Variants in ZC3H12C observed in about 807,000 individuals in gnomAD.
ZC3H12C encodes zinc finger CCCH-type containing 12C.
Under a neutral mutation model 76.3 loss-of-function variants are expected in ZC3H12C, and 20 were observed. The observed-to-expected ratio is 0.26, with a 90% CI of 0.18 to 0.38. ZC3H12C has a LOEUF of 0.38. Among genes scored for constraint, ZC3H12C ranks in the 10% least tolerant of loss-of-function variants. The pLI is 1.00. For missense variants in ZC3H12C, 874 were observed against 1,086.5 expected (o/e 0.80, Z 2.75); for synonymous variants, 352 against 399.6 (o/e 0.88, Z 1.42).
intron 1 of ZC3H12C, among the ~76,000 whole-genome samples, chr11:110,104,105 G>A (rs1272173584): frequency 1.3e-5 from 2 of 151,508 alleles, no homozygotes; most frequent in Non-Finnish European, 2.9e-5. Context: ...GCAATCTTGG[G>A]TCACTGCAAC....
chr11:110,160,250 G>A (rs1250230769), intron 4 of ZC3H12C, among the ~76,000 whole-genome samples: 6 of 152,142 alleles, frequency 3.9e-5, no homozygotes, highest in Non-Finnish European at 7.4e-5. Flanking sequence ...GAATGTGAAC[G>A]GCTAGGACAT....
In ZC3H12C at chr11:110,170,203, A is replaced by G. The variant is rs1862652020; in HGVS notation, c.*4466A>G. 6.6e-6 allele frequency: 1 copy of G among 152,204 alleles called. No individual in the cohort carries two copies. Among genetic ancestry groups the G allele is most frequent in the East Asian group, 1.9e-4 (1 of 5,204 alleles). The allele number at this position is 152,204 out of a possible 1,614,324, so 9.4% of individuals were successfully genotyped here. On this transcript the variant is annotated 3_prime_UTR_variant, in exon 6 of 6. Coordinates refer to ENST00000278590, the MANE Select transcript of ZC3H12C (RefSeq NM_033390.2). ...AGATATTTCTTGTGTTTAACCACAA[A>G]AAAAAGCACTCTGTTAAAATGTTTT...
At chr11:110,106,271 A>AT (rs1861324284) in intron 1 of ZC3H12C, among the ~76,000 whole-genome samples, 1 of 13,922 alleles carries the variant, frequency 7.2e-5, no homozygotes, top group South Asian at 1.1e-3. Context: ...CCGTCTCAAA[A>AT]AAAATAAATA....
intron 1 of ZC3H12C, among the ~76,000 whole-genome samples, chr11:110,133,417 C>T (rs1361985701): frequency 6.6e-6 from 1 of 152,076 alleles, no homozygotes; most frequent in East Asian, 1.9e-4. Flanking sequence ...CTTCTCTGAG[C>T]TAACCAATGA....
At chr11:110,124,961 A>G (rs1313900803) in intron 1 of ZC3H12C, among the ~76,000 whole-genome samples, 2 of 152,146 alleles carry the variant, frequency 1.3e-5, no homozygotes, top group Admixed American at 6.5e-5. Flanking sequence ...GCTCATGGCC[A>G]TGGGAATGAG....
intron 1 of ZC3H12C, among the ~76,000 whole-genome samples, chr11:110,094,983 CT>C (rs766732119): frequency 6.6e-6 from 1 of 152,148 alleles, no homozygotes; most frequent in Non-Finnish European, 1.5e-5. Flanking sequence ...GTAAAATGAA[CT>C]TTTAAATAAA....
At chr11:110,109,460 A>G (rs988815260) in intron 1 of ZC3H12C, among the ~76,000 whole-genome samples, 9 of 152,194 alleles carry the variant, frequency 5.9e-5, no homozygotes, top group South Asian at 2.1e-4. Flanking sequence ...GTAATGTTAT[A>G]TATTTGTGGA....
intron 1 of ZC3H12C, among the ~76,000 whole-genome samples, chr11:110,122,667 TA>T (rs1388360718): frequency 6.6e-6 from 1 of 152,206 alleles, no homozygotes; most frequent in Non-Finnish European, 1.5e-5. Context: ...TTCAGTACAA[TA>T]AATTACATGA....
At chr11:110,121,362 G>A (rs570356655) in intron 1 of ZC3H12C, among the ~76,000 whole-genome samples, 7 of 152,190 alleles carry the variant, frequency 4.6e-5, no homozygotes, top group South Asian at 2.1e-4. Context: ...TCCCGGCCCC[G>A]TTAGAGCTAA....
intron 1 of ZC3H12C, among the ~76,000 whole-genome samples, chr11:110,122,002 G>T (rs583763): frequency 2.6e-5 from 4 of 152,024 alleles, no homozygotes; most frequent in Admixed American, 6.5e-5. Flanking sequence ...TTTGTAGTCT[G>T]TCTGTCCATT....
chr11:110,097,330 A>C (rs1353536204), intron 1 of ZC3H12C, among the ~76,000 whole-genome samples: 1 of 152,232 alleles, frequency 6.6e-6, no homozygotes, highest in Non-Finnish European at 1.5e-5. Context: ...TTCTGCCTTT[A>C]AGATAAGTAT....
intron 1 of ZC3H12C, among the ~76,000 whole-genome samples, chr11:110,134,405 A>G (rs914549074): frequency 6.6e-6 from 1 of 152,110 alleles, no homozygotes; most frequent in East Asian, 1.9e-4. Flanking sequence ...CCAGCTTCCA[A>G]TAGGTTTTCC....
At chr11:110,124,499 A>G (rs1565254820) in intron 1 of ZC3H12C, among the ~76,000 whole-genome samples, 1 of 152,236 alleles carries the variant, frequency 6.6e-6, no homozygotes, top group Non-Finnish European at 1.5e-5. Context: ...AATAAATGCT[A>G]AATTGTACTG....
chr11:110,154,508 C>A (rs1420191045), intron 3 of ZC3H12C, among the ~76,000 whole-genome samples: 1 of 152,010 alleles, frequency 6.6e-6, no homozygotes, highest in African/African-American at 2.4e-5. Flanking sequence ...GCAGAGAGGT[C>A]ATCATTCAAC....
chr11:110,099,329 T>A (rs1861170705), intron 1 of ZC3H12C, among the ~76,000 whole-genome samples: 1 of 152,230 alleles, frequency 6.6e-6, no homozygotes, highest in African/African-American at 2.4e-5. Flanking sequence ...GTATAACCAT[T>A]AACATAGAGT....
intron 2 of ZC3H12C, among the ~76,000 whole-genome samples, chr11:110,150,675 A>G (rs921440397): frequency 6.6e-6 from 1 of 152,140 alleles, no homozygotes; most frequent in Non-Finnish European, 1.5e-5. Context: ...GTATATGTCC[A>G]TTAGATCAAG....
chr11:110,098,392 A>G (rs765663938), intron 1 of ZC3H12C, among the ~76,000 whole-genome samples: 6 of 152,232 alleles, frequency 3.9e-5, no homozygotes, highest in Admixed American at 2.0e-4. Flanking sequence ...AAAAGTTTAT[A>G]AAGTAAAAAA....
intron 1 of ZC3H12C, among the ~76,000 whole-genome samples, chr11:110,109,630 A>G (rs1214066980): frequency 6.6e-6 from 1 of 151,624 alleles, no homozygotes; most frequent in East Asian, 1.9e-4. Flanking sequence ...GTTCACCTTT[A>G]TTTGGTTTGT....
At chr11:110,116,956 T>C (rs1221775087) in intron 1 of ZC3H12C, among the ~76,000 whole-genome samples, 1 of 152,194 alleles carries the variant, frequency 6.6e-6, no homozygotes, top group Non-Finnish European at 1.5e-5. Context: ...CTAGAATAAA[T>C]TGTACCCTGG....
Sources: gnomAD v4.1 joint callset for allele counts (sites outside exome capture counted in the v4.1 genomes callset) on GRCh38, gnomAD v4.1.1 for gene constraint, MANE v1.5 for transcripts, NCBI Gene and HGNC (gene_info 2026-07-23, HGNC 2026-07-21) for gene names.